MARCHF1: variants seen among roughly 807,000 people sequenced by gnomAD.
MARCHF1 encodes the protein membrane associated ring-CH-type finger 1.
MARCHF1 carries 40 observed loss-of-function variants against 54.2 expected under a neutral mutation model. The ratio of observed to expected loss-of-function variants is 0.74; its 90% CI spans 0.57 to 0.96. MARCHF1 has a LOEUF of 0.96. MARCHF1 is among the 40% of genes least tolerant of loss of function. The pLI is 0.00. For missense variants in MARCHF1, 586 were observed against 656.5 expected (o/e 0.89, Z 1.17); for synonymous variants, 236 against 236.3 (o/e 1.00, Z 0.01).
At chr4:164,257,637 A>C (rs990414640) in intron 1 of MARCHF1, among the ~76,000 whole-genome samples, 4 of 151,956 alleles carry the variant, frequency 2.6e-5, no homozygotes, top group Admixed American at 1.3e-4. Context: ...TATATTTTTT[A>C]ATGTTTAATA....
intron 8 of MARCHF1, among the ~76,000 whole-genome samples, chr4:163,555,583 C>T (rs186508556): frequency 6.6e-6 from 1 of 152,210 alleles, no homozygotes; most frequent in Admixed American, 6.5e-5. Context: ...TATTTTATCA[C>T]ACATTCTGAA....
At chr4:163,867,660 C>G (rs758500544) in intron 3 of MARCHF1, among the ~76,000 whole-genome samples, 14 of 151,710 alleles carry the variant, frequency 9.2e-5, no homozygotes, top group Non-Finnish European at 1.9e-4. Flanking sequence ...ACACACTATT[C>G]TTTGCCATTC....
intron 1 of MARCHF1, among the ~76,000 whole-genome samples, chr4:164,307,259 C>T (rs1479335292): frequency 1.3e-5 from 2 of 152,162 alleles, no homozygotes; most frequent in Non-Finnish European, 2.9e-5. Context: ...TGGAAAACCT[C>T]AGTATTTACC....
intron 4 of MARCHF1, among the ~76,000 whole-genome samples, chr4:163,831,447 T>C (rs1749021564): frequency 6.6e-6 from 1 of 152,010 alleles, no homozygotes; most frequent in Admixed American, 6.6e-5. Flanking sequence ...ATAAATTATC[T>C]GTGCACGATG....
At chr4:164,150,206 A>G (rs547029413) in intron 1 of MARCHF1, among the ~76,000 whole-genome samples, 1 of 152,326 alleles carries the variant, frequency 6.6e-6, no homozygotes, top group East Asian at 1.9e-4. Flanking sequence ...TTATTCTTAG[A>G]GTTTACCTGG....
At chr4:163,940,776 G>T (rs1488844599) in intron 3 of MARCHF1, among the ~76,000 whole-genome samples, 1 of 152,100 alleles carries the variant, frequency 6.6e-6, no homozygotes, top group African/African-American at 2.4e-5. Flanking sequence ...TATCCATTTG[G>T]TTGATTATCT....
chr4:163,641,180 T>C (rs1178861204), intron 5 of MARCHF1, among the ~76,000 whole-genome samples: 1 of 152,132 alleles, frequency 6.6e-6, no homozygotes, highest in Non-Finnish European at 1.5e-5. Context: ...CTAAATAGTG[T>C]CTGCTATCAG....
chr4:164,207,574 T>C (rs1376031116), intron 1 of MARCHF1, among the ~76,000 whole-genome samples: 3 of 152,202 alleles, frequency 2.0e-5, no homozygotes, highest in African/African-American at 4.8e-5. Context: ...GTTTGGAGTC[T>C]ACTGTGCTGG....
intron 2 of MARCHF1, among the ~76,000 whole-genome samples, chr4:164,000,304 A>C (rs1753161499): frequency 6.6e-6 from 1 of 151,798 alleles, no homozygotes; most frequent in South Asian, 2.1e-4. Context: ...TTTAGGCCAT[A>C]TTATGATTTA....
At chr4:163,667,532 A>G (rs1227178799) in intron 5 of MARCHF1, among the ~76,000 whole-genome samples, 1 of 152,176 alleles carries the variant, frequency 6.6e-6, no homozygotes. Flanking sequence ...ATTATGTGAG[A>G]AGTCTCTGGA....
At chr4:163,628,387 G>A (rs13116976) in intron 5 of MARCHF1, among the ~76,000 whole-genome samples, 47,944 of 151,924 alleles carry the variant, frequency 0.32, 8,698 homozygotes, top group Non-Finnish European at 0.42. Context: ...AGGCATTGAT[G>A]GAACGTATCT....
chr4:163,725,635 T>G (rs570137470), intron 4 of MARCHF1, among the ~76,000 whole-genome samples: 1 of 152,296 alleles, frequency 6.6e-6, no homozygotes, highest in African/African-American at 2.4e-5. Flanking sequence ...AACCCTGTAG[T>G]TTTTCATAGT....
chr4:164,241,369 A>G (rs13434904), intron 1 of MARCHF1, among the ~76,000 whole-genome samples: 11,289 of 152,120 alleles, frequency 0.074, 494 homozygotes, highest in Middle Eastern at 0.14. Flanking sequence ...CTGCAACATC[A>G]TTGCTGTTGT....
chr4:164,100,424 G>C (rs931395394), intron 2 of MARCHF1, among the ~76,000 whole-genome samples: 2 of 152,162 alleles, frequency 1.3e-5, no homozygotes, highest in Non-Finnish European at 2.9e-5. Flanking sequence ...TAAACATTTA[G>C]AGTTCCTTCC....
intron 2 of MARCHF1, among the ~76,000 whole-genome samples, chr4:164,040,983 C>T (rs996764981): frequency 3.9e-5 from 6 of 151,988 alleles, no homozygotes; most frequent in Admixed American, 6.6e-5. Flanking sequence ...TCACTACTAC[C>T]TTTCCTAAAT....
At chr4:164,359,103 A>T (rs1730649292) in intron 1 of MARCHF1, among the ~76,000 whole-genome samples, 1 of 152,146 alleles carries the variant, frequency 6.6e-6, no homozygotes, top group Non-Finnish European at 1.5e-5. Context: ...AGTGCGATAG[A>T]TATATGTAAT....
At chr4:163,657,000 C>T (rs754078396) in intron 5 of MARCHF1, among the ~76,000 whole-genome samples, 10 of 152,056 alleles carry the variant, frequency 6.6e-5, no homozygotes, top group Non-Finnish European at 1.3e-4. Context: ...TGGCACAAGA[C>T]AAGGATGCCC....
chr4:163,599,587 T>C (rs1490455649), intron 7 of MARCHF1, among the ~76,000 whole-genome samples: 2 of 152,168 alleles, frequency 1.3e-5, no homozygotes, highest in African/African-American at 2.4e-5. Context: ...CCTATACCTA[T>C]CCCCATGCAC....
Position 164,351,798 on chromosome 4 carries a change from C to T in MARCHF1, c.-323+32072G>A, listed in dbSNP as rs559716030. ...TGAGCTGAGAGAAGAAGGCTTCAGA[C>T]GATCAAATTACTCTGAGCTACGGGA... On this transcript the variant is annotated intron_variant, in intron 1 of 9. Coordinates refer to ENST00000514618, the MANE Select transcript of MARCHF1 (RefSeq NM_001394959.1). Among the ~76,000 whole-genome samples the T allele has an allele frequency of 2.7e-4, 41 of 151,276 alleles. No homozygotes were observed. The South Asian group carries it at 4.8e-3, about 18-fold the overall frequency.
Sources: allele counts gnomAD v4.1 joint callset (sites outside exome capture counted in the v4.1 genomes callset), GRCh38; gene constraint gnomAD v4.1.1; transcripts MANE v1.5; gene names NCBI Gene and HGNC (gene_info 2026-07-23, HGNC 2026-07-21).